CACNA1E: variants seen among roughly 807,000 people sequenced by gnomAD.
CACNA1E encodes the protein voltage-dependent R-type calcium channel subunit alpha-1E.
Under a neutral mutation model 259.2 loss-of-function variants are expected in CACNA1E, and 40 were observed. The ratio of observed to expected loss-of-function variants is 0.15; its 90% CI spans 0.12 to 0.20. The LOEUF is 0.20. Ranked by LOEUF, CACNA1E falls within the 10% of genes least tolerant of loss-of-function variation. The pLI is 1.00. For missense variants in CACNA1E, 1,874 were observed against 3,040.1 expected, an observed-to-expected ratio of 0.62 and a Z score of 9.02; for synonymous variants, 1,104 against 1,138.5, an observed-to-expected ratio of 0.97 and a Z score of 0.61.
At chr1:181,494,480 A>T in intron 1 of CACNA1E, among the ~76,000 whole-genome samples, 1 of 152,240 alleles carries the variant, frequency 6.6e-6, no homozygotes, top group Middle Eastern at 3.4e-3. Flanking sequence ...CTCTATGTTT[A>T]TATCAAGTAT....
chr1:181,794,784 A>C, intron 45 of CACNA1E, 80 bp from the exon 46 acceptor site: 1 of 1,325,912 alleles, frequency 7.5e-7, no homozygotes, highest in South Asian at 1.4e-5. Flanking sequence ...TTAACGTCTC[A>C]GTCTTGCTGC....
At chr1:181,754,551 TGAAGTGTAA>T (rs1657916848) in intron 27 of CACNA1E, among the ~76,000 whole-genome samples, 2 of 152,288 alleles carry the variant, frequency 1.3e-5, no homozygotes, top group Non-Finnish European at 2.9e-5. Flanking sequence ...GCCTTTTAAC[TGAAGTGTAA>T]GTCCCTAGTT....
intron 2 of CACNA1E, among the ~76,000 whole-genome samples, chr1:181,452,790 G>A (rs1341360109): frequency 6.6e-6 from 1 of 152,146 alleles, no homozygotes; most frequent in Admixed American, 6.5e-5. Flanking sequence ...TAACTCTTCA[G>A]CTCCAGCTCC....
rs778605231 is a variant in CACNA1E, at chr1:181,798,426, C to G, written c.6534C>G (p.His2178Gln). Residue 2178 changes from histidine to glutamine, a missense_variant, in exon 48 of 48, where the codon CAC (histidine) becomes CAG (glutamine). Around this residue, in one of 14 missense-constraint regions of CACNA1E, gnomAD observed 542 missense variants for 587.2 expected, o/e 0.92. Coordinates refer to ENST00000367573, the MANE Select transcript of CACNA1E (RefSeq NM_001205293.3). The surrounding 1 kb of genome is among the most constrained non-coding windows in gnomAD (Gnocchi z 4.2). ...PLLSYSSLIR[H>Q]AGSISPPADG... Reference sequence around the variant, plus strand: ...TTTCCTACAGCTCCCTGATTCGACACGCGGGCAGCATCTCTCCACCTGCTG... The same window carrying G: ...TTTCCTACAGCTCCCTGATTCGACAGGCGGGCAGCATCTCTCCACCTGCTG... The G allele has an allele frequency of 1.9e-6, 3 of 1,613,762 alleles. No individual in the cohort carries two copies. The highest frequency in any genetic ancestry group is 2.5e-6 in the Non-Finnish European group (3 of 1,179,882).
At chr1:181,338,065 G>T (rs1402578825) in intron 1 of CACNA1E, among the ~76,000 whole-genome samples, 1 of 152,044 alleles carries the variant, frequency 6.6e-6, no homozygotes, top group African/African-American at 2.4e-5. Context: ...CAGGTATAAG[G>T]TTATACCCCA....
At chr1:181,771,235 C>A in intron 35 of CACNA1E, 58 bp from the exon 36 acceptor site, 1 of 977,894 alleles carries the variant, frequency 1.0e-6, no homozygotes, top group Non-Finnish European at 1.6e-6. Context: ...CCCTCATGTG[C>A]TGGACACATC....
chr1:181,420,015 G>A (rs1240344961), intron 2 of CACNA1E, among the ~76,000 whole-genome samples: 6 of 152,210 alleles, frequency 3.9e-5, no homozygotes, highest in South Asian at 2.1e-4. Context: ...CTTTCCCAGG[G>A]CTTGGATTTA....
rs554147029 is a variant in CACNA1E at position 181,403,076 on chromosome 1, T to C, written c.-14-10057T>C. On this transcript the variant is annotated intron_variant, in intron 1 of 11. Transcript: ENST00000524607. The stretch of plus-strand genomic sequence containing the variant: ...TGGTGCAGTAGATGGTGGCATGGCA[T>C]TTGGAGTCAGTCAGATCTGGATAAG... Among the ~76,000 whole-genome samples, 3 of 152,268 alleles carry C rather than the reference T, an allele frequency of 2.0e-5. No homozygotes were observed. In the Middle Eastern group the frequency reaches 0.01, roughly 518 times the overall value.
At chr1:181,583,061 G>T (rs1208628303) in intron 6 of CACNA1E, among the ~76,000 whole-genome samples, 1 of 150,588 alleles carries the variant, frequency 6.6e-6, no homozygotes, top group Non-Finnish European at 1.5e-5. Context: ...CCCAAAGACT[G>T]TCTACCTGTT....
intron 1 of CACNA1E, among the ~76,000 whole-genome samples, chr1:181,359,894 A>T (rs1383657209): frequency 6.6e-6 from 1 of 152,200 alleles, no homozygotes; most frequent in Non-Finnish European, 1.5e-5. Flanking sequence ...ATTGTAGCTA[A>T]CTTGGGGTGC....
chr1:181,707,718 C>T (rs748466085), intron 7 of CACNA1E, among the ~76,000 whole-genome samples: 1 of 152,124 alleles, frequency 6.6e-6, no homozygotes, highest in Non-Finnish European at 1.5e-5. Flanking sequence ...TGGAGTACTC[C>T]TCCTTTTAAG....
chr1:181,479,717 C>T (rs1663105135), upstream of CACNA1E, among the ~76,000 whole-genome samples: 1 of 152,168 alleles, frequency 6.6e-6, no homozygotes, highest in South Asian at 2.1e-4. Flanking sequence ...AGTTTCTTCT[C>T]TTGATAAACA....
intron 14 of CACNA1E, 96 bp downstream of exon 14, chr1:181,720,433 C>T (rs1432494519): frequency 5.9e-6 from 8 of 1,359,994 alleles, no homozygotes; most frequent in Non-Finnish European, 8.1e-6. Flanking sequence ...ATGTTACTAT[C>T]CTGTCTGCCT....
chr1:181,385,508 A>C (rs1358850124), intron 1 of CACNA1E, among the ~76,000 whole-genome samples: 1 of 152,180 alleles, frequency 6.6e-6, no homozygotes, highest in Non-Finnish European at 1.5e-5. Context: ...TATTCAAGGA[A>C]GCTTTATAAG....
intron 1 of CACNA1E, among the ~76,000 whole-genome samples, chr1:181,321,850 C>T (rs71632111): frequency 0.12 from 18,446 of 152,168 alleles, 1,267 homozygotes; most frequent in Middle Eastern, 0.18. Context: ...TTGTGCAAAT[C>T]GGTAACCTAG....
intron 1 of CACNA1E, among the ~76,000 whole-genome samples, chr1:181,499,000 A>G (rs758870005): frequency 2.6e-5 from 4 of 152,240 alleles, no homozygotes; most frequent in Non-Finnish European, 4.4e-5. Flanking sequence ...GGTGAAGCCA[A>G]CCAGCAGAGA....
At chr1:181,612,142 G>C (rs916345340) in intron 6 of CACNA1E, among the ~76,000 whole-genome samples, 2 of 152,188 alleles carry the variant, frequency 1.3e-5, no homozygotes, top group Non-Finnish European at 2.9e-5. Flanking sequence ...GGAAGCAAGG[G>C]AAAGAGCACC....
chr1:181,345,810 CA>C (rs1652547792), intron 1 of CACNA1E, among the ~76,000 whole-genome samples: 1 of 152,310 alleles, frequency 6.6e-6, no homozygotes, highest in Non-Finnish European at 1.5e-5. Context: ...ACCTTCTGGC[CA>C]AGGACCGTCT....
At chr1:181,564,934 C>T (rs906098412) in intron 3 of CACNA1E, among the ~76,000 whole-genome samples, 15 of 150,744 alleles carry the variant, frequency 1.0e-4, no homozygotes, top group Non-Finnish European at 1.8e-4. Context: ...TTAAAATATT[C>T]AGGAAACCAT....
Sources: allele counts gnomAD v4.1 joint callset (sites outside exome capture counted in the v4.1 genomes callset), GRCh38; gene constraint gnomAD v4.1.1; regional missense constraint gnomAD v4.1.1; non-coding constraint Gnocchi (gnomAD v3.1); transcripts MANE v1.5; gene names NCBI Gene and HGNC (gene_info 2026-07-23, HGNC 2026-07-21).